Variants in CDIN1 observed in about 807,000 individuals in gnomAD.
CDIN1 encodes the protein CDAN1 interacting nuclease 1.
CDIN1 carries 33 observed loss-of-function variants against 45.3 expected under a neutral mutation model. The ratio of observed to expected loss-of-function variants is 0.73; its 90% confidence interval spans 0.55 to 0.97. The LOEUF (loss-of-function observed/expected upper bound fraction) is 0.97, where lower values mean the gene tolerates loss of function less well. Among genes scored for constraint, CDIN1 ranks in the 50% least tolerant of loss-of-function variants. The probability of loss-of-function intolerance (pLI) is 0.00; values close to 1 mark genes in which losing one functional copy is unlikely to be tolerated. For synonymous variants in CDIN1, 118 were observed against 124.4 expected, an observed-to-expected ratio of 0.95 and a Z score of 0.34; for missense variants, 303 against 339.4, an observed-to-expected ratio of 0.89 and a Z score of 0.84.
chr15:36,783,600 C>T (rs1194433130), intron 10 of CDIN1, among the ~76,000 whole-genome samples: 1 of 152,068 alleles, frequency 6.6e-6, no homozygotes, highest in Non-Finnish European at 1.5e-5. Context: ...CTTGTTTAAA[C>T]AAGGCATAAC....
At chr15:36,602,710 C>T (rs1048546059) in intron 1 of CDIN1, among the ~76,000 whole-genome samples, 4 of 152,140 alleles carry the variant, frequency 2.6e-5, no homozygotes, top group South Asian at 4.1e-4. Context: ...CAGTGGCTCA[C>T]GCCTGTAATC....
At chr15:36,804,621 T>C (rs1338280793) in intron 10 of CDIN1, 4 of 151,544 alleles carry the variant, frequency 2.6e-5, no homozygotes, top group Non-Finnish European at 4.4e-5. Flanking sequence ...AGTTCCATCG[T>C]CTCTGATTGA....
chr15:36,792,887 C>T (rs1393751077), intron 10 of CDIN1, among the ~76,000 whole-genome samples: 2 of 152,146 alleles, frequency 1.3e-5, no homozygotes, highest in African/African-American at 4.8e-5. Context: ...CCCTCCGGTC[C>T]TCATCAGCCC....
intron 1 of CDIN1, among the ~76,000 whole-genome samples, chr15:36,609,841 G>A (rs2140268350): frequency 1.3e-5 from 2 of 152,338 alleles, no homozygotes; most frequent in South Asian, 4.1e-4. Context: ...CACAGGATGT[G>A]TTAAGCTTTT....
chr15:36,632,825 T>C (rs896785825), intron 1 of CDIN1, among the ~76,000 whole-genome samples: 1 of 152,214 alleles, frequency 6.6e-6, no homozygotes, highest in African/African-American at 2.4e-5. Flanking sequence ...CTATTATTTA[T>C]ATAATGTGTT....
chr15:36,740,476 C>T (rs529827408), intron 10 of CDIN1, among the ~76,000 whole-genome samples: 9 of 152,088 alleles, frequency 5.9e-5, no homozygotes, highest in Admixed American at 1.3e-4. Flanking sequence ...GTGGTGATAC[C>T]GAGAGATGGT....
intron 10 of CDIN1, among the ~76,000 whole-genome samples, chr15:36,806,343 A>G (rs1344298315): frequency 6.6e-6 from 1 of 152,202 alleles, no homozygotes; most frequent in Non-Finnish European, 1.5e-5. Flanking sequence ...GTTCAAAGAA[A>G]GTGCAGGCTG....
intron 10 of CDIN1, chr15:36,798,697 C>A (rs145110067): frequency 1.3e-5 from 2 of 152,268 alleles, no homozygotes; most frequent in East Asian, 3.9e-4. Context: ...CTCTGGGTTA[C>A]CCTGTGATCC....
At chr15:36,699,808 G>A (rs566265289) in intron 8 of CDIN1, among the ~76,000 whole-genome samples, 56 of 152,190 alleles carry the variant, frequency 3.7e-4, no homozygotes, top group African/African-American at 1.3e-3. Flanking sequence ...ATCTAGCCAG[G>A]AACTATAGGA....
intron 3 of CDIN1, among the ~76,000 whole-genome samples, chr15:36,647,999 C>T (rs1006466289): frequency 8.6e-5 from 13 of 151,958 alleles, no homozygotes; most frequent in African/African-American, 3.1e-4. Context: ...GCCACCACGC[C>T]CGGCTAATTT....
intron 8 of CDIN1, chr15:36,707,099 G>A (rs2042894884): frequency 6.6e-6 from 1 of 152,004 alleles, no homozygotes; most frequent in Non-Finnish European, 1.5e-5. Context: ...CAGAGGAGAT[G>A]GGACAGTCAG....
chr15:36,647,430 A>G (rs2040380320), intron 3 of CDIN1: 1 of 152,222 alleles, frequency 6.6e-6, no homozygotes, highest in Non-Finnish European at 1.5e-5. Context: ...GACAGTCTCA[A>G]TTATTTCGAG....
chr15:36,785,075 G>A (rs1033654729), intron 10 of CDIN1, among the ~76,000 whole-genome samples: 12 of 152,090 alleles, frequency 7.9e-5, no homozygotes, highest in South Asian at 6.2e-4. Context: ...TAGTGTACAC[G>A]TACAGAGTCA....
chr15:36,634,901 T>C (rs1327956186), intron 1 of CDIN1, among the ~76,000 whole-genome samples: 1 of 152,224 alleles, frequency 6.6e-6, no homozygotes, highest in Non-Finnish European at 1.5e-5. Context: ...ATGAGTAACA[T>C]AGGAATGTGT....
chr15:36,620,269 T>C (rs1269587201), intron 1 of CDIN1, among the ~76,000 whole-genome samples: 2 of 151,990 alleles, frequency 1.3e-5, no homozygotes, highest in African/African-American at 4.8e-5. Flanking sequence ...GAGAATGGCG[T>C]GACACCGGGG....
At chr15:36,800,414 A>T (rs1218316014) in intron 10 of CDIN1, among the ~76,000 whole-genome samples, 1 of 152,186 alleles carries the variant, frequency 6.6e-6, no homozygotes, top group East Asian at 1.9e-4. Context: ...CCAGAACTTT[A>T]TGATGTTATA....
chr15:36,593,002 T>C (rs1473565653), intron 1 of CDIN1, among the ~76,000 whole-genome samples: 1 of 152,208 alleles, frequency 6.6e-6, no homozygotes, highest in Non-Finnish European at 1.5e-5. Flanking sequence ...AGATACCTAA[T>C]TGGTAAGTTT....
At chr15:36,745,085 A>G (rs760555096) in intron 10 of CDIN1, among the ~76,000 whole-genome samples, 15 of 152,222 alleles carry the variant, frequency 9.9e-5, no homozygotes, top group Non-Finnish European at 1.9e-4. Flanking sequence ...ATGGAAACCC[A>G]GCCAGGGTTA....
chr15:36,662,854 GTTT>G (rs34007525), intron 5 of CDIN1, among the ~76,000 whole-genome samples: 1 of 122,944 alleles, frequency 8.1e-6, no homozygotes, highest in Non-Finnish European at 1.6e-5. Context: ...TCAGATTTTA[GTTT>G]TTTTTTTTTT....
Sources: gnomAD v4.1 joint callset for allele counts (sites outside exome capture counted in the v4.1 genomes callset) on GRCh38, gnomAD v4.1.1 for gene constraint, MANE v1.5 for transcripts, NCBI Gene and HGNC (gene_info 2026-07-23, HGNC 2026-07-21) for gene names.